The following DNAH7 variants were observed in gnomAD, a reference collection of about 807,000 sequenced individuals.
The protein encoded by DNAH7 is dynein axonemal heavy chain 7.
Under a neutral mutation model 444.6 loss-of-function variants are expected in DNAH7, and 397 were observed. That is an observed-to-expected ratio of 0.89 (90% CI 0.82 to 0.97). The LOEUF (loss-of-function observed/expected upper bound fraction) is 0.97, where lower values mean the gene tolerates loss of function less well. Ranked by LOEUF, DNAH7 falls within the 50% of genes least tolerant of loss-of-function variation. DNAH7 has a pLI of 0.00. For missense variants in DNAH7, 4,902 were observed against 4,800.8 expected (o/e 1.02, Z -0.62); for synonymous variants, 1,636 against 1,624.4 (o/e 1.01, Z -0.17).
intron 3 of DNAH7, among the ~76,000 whole-genome samples, chr2:196,050,937 C>T (rs1697427287): frequency 6.6e-6 from 1 of 152,200 alleles, no homozygotes; most frequent in Non-Finnish European, 1.5e-5. Flanking sequence ...AACGCTAATA[C>T]TCCTTTTGCT....
At chr2:195,871,153 A>G (rs1305786118) in intron 40 of DNAH7, among the ~76,000 whole-genome samples, 3 of 152,184 alleles carry the variant, frequency 2.0e-5, no homozygotes, top group African/African-American at 7.2e-5. Context: ...ACGTGGACAT[A>G]TATTTGAATG....
intron 57 of DNAH7, among the ~76,000 whole-genome samples, chr2:195,792,803 G>A (rs1394186062): frequency 6.6e-6 from 1 of 152,028 alleles, no homozygotes; most frequent in African/African-American, 2.4e-5. Flanking sequence ...GGGCAGGGGA[G>A]GGATGGTCAG....
intron 56 of DNAH7, among the ~76,000 whole-genome samples, chr2:195,794,780 T>C (rs1011514608): frequency 1.3e-5 from 2 of 152,178 alleles, no homozygotes; most frequent in African/African-American, 2.4e-5. Flanking sequence ...GATTATAAAG[T>C]TTACAAAAGT....
intron 63 of DNAH7, among the ~76,000 whole-genome samples, chr2:195,746,799 A>G (rs1432922354): frequency 2.6e-5 from 4 of 152,070 alleles, no homozygotes; most frequent in East Asian, 1.9e-4. Flanking sequence ...TGAAACCAAC[A>G]AGAACAAAGA....
intron 17 of DNAH7, among the ~76,000 whole-genome samples, chr2:195,961,690 TAAAG>T (rs1691118418): frequency 6.6e-6 from 1 of 152,180 alleles, no homozygotes; most frequent in Non-Finnish European, 1.5e-5. Context: ...TTTACATATA[TAAAG>T]AAAGAGTTTT....
In DNAH7 at chr2:196,019,231, G is replaced by T. The variant is rs777808287; in HGVS notation, c.808C>A (p.His270Asn). Reference protein sequence around the residue: ...FLAASSYIRDHLNAMNPTMLA... With the variant: ...FLAASSYIRDNLNAMNPTMLA... ...ATTGTGGGGTTCATTGCATTCAAGT[G>T]ATCCCTAATATAACTGCTTGCAGCT... Residue 270 changes from histidine (H) to asparagine (N), a missense_variant, in exon 9 of 65, where the codon CAC becomes AAC. By Grantham distance (68) the His-to-Asn change is moderately conservative. Transcript: ENST00000312428. 2.0e-6 allele frequency: 3 copies of T among 1,528,696 alleles called. No homozygotes were observed. Among genetic ancestry groups the T allele is most frequent in the Non-Finnish European group, 1.8e-6 (2 of 1,127,536 alleles). 94.7% of individuals were successfully genotyped at this position (1,528,696 alleles called of 1,614,324 possible).
Position 195,745,043 on chromosome 2 carries a change from G to A in DNAH7, c.11765-4174C>T, listed in dbSNP as rs143755044. Among the ~76,000 whole-genome samples, 521 of 152,308 alleles carry A rather than the reference G, an allele frequency of 3.4e-3. 1 individual carries two copies. Among genetic ancestry groups the A allele is most frequent in the South Asian group, 0.016 (75 of 4,832 alleles). ...GAGCTGAGAGAAGAAGGCTTCAGAC[G>A]ATCAAACTACACTGAGCTACAGGAG... On this transcript the variant is annotated intron_variant, in intron 63 of 64. Transcript: ENST00000312428.
rs373440570 is a variant in DNAH7, at chr2:195,768,569, AAAG to A, written c.11433+3088_11433+3090del. Among the ~76,000 whole-genome samples the A allele has an allele frequency of 7.4e-3, 1,121 of 152,202 alleles. 16 individuals carry two copies. The highest frequency in any genetic ancestry group is 0.024 in the African/African-American group (989 of 41,564). Reference sequence around the variant, plus strand: ...GTATCTATATATATATATTTAGGATAAAGAAGATTTAACATTTTTACTGGTATT... The same window carrying A: ...GTATCTATATATATATATTTAGGATAAAGATTTAACATTTTTACTGGTATT... On this transcript the variant is annotated intron_variant, in intron 61 of 64. Transcript: ENST00000312428.
chr2:195,934,498 T>C (rs1208277345), intron 21 of DNAH7, 93 bp downstream of exon 21: 11 of 1,328,596 alleles, frequency 8.3e-6, no homozygotes, highest in African/African-American at 2.9e-5. Context: ...CCTCCATTTC[T>C]GTTTAAATAA....
Position 195,888,322 on chromosome 2 carries a change from A to G in DNAH7, c.5342T>C (p.Phe1781Ser). Reference protein sequence around the residue: ...PASVSVIQKEFIMGLFDRMVP... With the variant: ...PASVSVIQKESIMGLFDRMVP... ...CATTCTGTCAAATAAGCCCATTATG[A>G]ATTCCTTTTGAATAACACTGACTGA... Residue 1781 changes from phenylalanine to serine, a missense_variant, in exon 33 of 65, where the codon TTC (phenylalanine) becomes TCC (serine). Phe to Ser is a radical substitution (Grantham distance 155). Coordinates refer to ENST00000312428, the MANE Select transcript of DNAH7 (RefSeq NM_018897.3). 6.2e-7 allele frequency: 1 copy of G among 1,611,706 alleles called. No homozygotes were observed. Among genetic ancestry groups the G allele is most frequent in the Non-Finnish European group, 8.5e-7 (1 of 1,179,052 alleles).
chr2:195,827,539 C>G (rs1697828730), intron 48 of DNAH7, among the ~76,000 whole-genome samples: 1 of 152,096 alleles, frequency 6.6e-6, no homozygotes, highest in Admixed American at 6.6e-5. Context: ...ACCCCAGCCT[C>G]CCAAAATGCT....
chr2:195,897,943 G>GT (rs149859229), intron 28 of DNAH7, among the ~76,000 whole-genome samples, 178 bp from the exon 29 acceptor site: 2,360 of 151,056 alleles, frequency 0.016, 62 homozygotes, highest in African/African-American at 0.053. Context: ...AACTTGTTGT[G>GT]TTTTTTTTTA....
chr2:195,845,888 C>T (rs1349719017), intron 46 of DNAH7, among the ~76,000 whole-genome samples: 2 of 152,178 alleles, frequency 1.3e-5, no homozygotes, highest in Non-Finnish European at 1.5e-5. Context: ...AAATGTAAAA[C>T]CTAAAACTAT....
At chr2:195,976,461 A>C (rs1322273035) in intron 15 of DNAH7, among the ~76,000 whole-genome samples, 1 of 152,044 alleles carries the variant, frequency 6.6e-6, no homozygotes, top group African/African-American at 2.4e-5. Flanking sequence ...CCTGGCTCCC[A>C]GGCAGCATCT....
intron 24 of DNAH7, among the ~76,000 whole-genome samples, chr2:195,911,627 C>G (rs771318361): frequency 6.6e-6 from 1 of 151,988 alleles, no homozygotes; most frequent in Non-Finnish European, 1.5e-5. Flanking sequence ...AAATTACCTA[C>G]AAAAGAATAA....
rs554877460 is a variant in DNAH7, at chr2:196,055,243, C to A, written c.78+2811G>T. On this transcript the variant is annotated intron_variant, in intron 2 of 64. Transcript: ENST00000312428. ...TGGTGACCCATGCCTGTGGTCCCAG[C>A]TACTGGTGAGGCTCACATAAGCCCA... Among the ~76,000 whole-genome samples, 13 of 152,092 alleles carry A rather than the reference C, an allele frequency of 8.5e-5. 1 individual carries two copies. The South Asian group carries it at 2.7e-3, about 32-fold the overall frequency.
Position 195,794,490 on chromosome 2 carries a change from T to C in DNAH7, c.10564A>G (p.Ser3522Gly), listed in dbSNP as rs1696043161. 1 of 1,614,068 alleles carries C rather than the reference T, an allele frequency of 6.2e-7. No individual in the cohort carries two copies. The highest frequency in any genetic ancestry group is 1.3e-5 in the African/African-American group (1 of 74,928). Residue 3522 changes from serine to glycine, a missense_variant, in exon 57 of 65, where the codon AGT becomes GGT. Ser to Gly is a moderately conservative substitution (Grantham distance 56). Transcript: ENST00000312428. ...THPDFRMWLT[S>G]YPSPNFPVSV... Reference sequence around the variant, plus strand: ...ACAGGGAAATTTGGAGATGGGTAACTCGTTAGCCACATTCGGAAATCTGGA... The same window carrying C: ...ACAGGGAAATTTGGAGATGGGTAACCCGTTAGCCACATTCGGAAATCTGGA...
At chr2:195,819,120 A>T (rs902738927) in intron 49 of DNAH7, among the ~76,000 whole-genome samples, 10 of 152,024 alleles carry the variant, frequency 6.6e-5, no homozygotes, top group Non-Finnish European at 1.0e-4. Flanking sequence ...CTTGTTATCC[A>T]CCAGATTAGC....
At chr2:196,057,911 C>A in intron 2 of DNAH7, 143 bp downstream of exon 2, 1 of 619,866 alleles carries the variant, frequency 1.6e-6, no homozygotes, top group South Asian at 3.4e-5. Flanking sequence ...TCACAGAATT[C>A]CTCCATCAGA....
Sources: gnomAD v4.1 joint callset for allele counts (sites outside exome capture counted in the v4.1 genomes callset) on GRCh38, gnomAD v4.1.1 for gene constraint, MANE v1.5 for transcripts, NCBI Gene and HGNC (gene_info 2026-07-23, HGNC 2026-07-21) for gene names.